Variants in HIVEP3 observed in about 807,000 individuals in gnomAD.
HIVEP3 encodes HIVEP zinc finger 3.
In HIVEP3, 49 loss-of-function variants were observed where a neutral mutation model predicts 152.8. That is an observed-to-expected ratio of 0.32 (90% CI 0.26 to 0.41). The LOEUF is 0.41. Ranked by LOEUF, HIVEP3 falls within the 10% of genes least tolerant of loss-of-function variation. The pLI is 1.00. For synonymous variants in HIVEP3, 1,269 were observed against 1,289.0 expected (o/e 0.98, Z 0.33); for missense variants, 2,790 against 3,103.3 (o/e 0.90, Z 2.40).
chr1:41,634,958 G>A (rs1012470795), intron 2 of HIVEP3, among the ~76,000 whole-genome samples: 1 of 152,084 alleles, frequency 6.6e-6, no homozygotes, highest in Admixed American at 6.5e-5. Flanking sequence ...GAATACAAAG[G>A]GTTTGAAGAT....
intron 1 of HIVEP3, among the ~76,000 whole-genome samples, chr1:41,910,099 A>G (rs1570790540): frequency 6.6e-6 from 1 of 152,002 alleles, no homozygotes; most frequent in East Asian, 1.9e-4. Flanking sequence ...TAGTATAGAC[A>G]TTCATAAACT....
At chr1:41,968,018 T>C (rs929513799) in intron 1 of HIVEP3, among the ~76,000 whole-genome samples, 1 of 152,118 alleles carries the variant, frequency 6.6e-6, no homozygotes, top group Non-Finnish European at 1.5e-5. Flanking sequence ...AATCCTTGAA[T>C]AGACCAATAA....
intron 2 of HIVEP3, among the ~76,000 whole-genome samples, chr1:41,684,106 G>A (rs1646081060): frequency 6.6e-6 from 1 of 152,216 alleles, no homozygotes; most frequent in Non-Finnish European, 1.5e-5. Context: ...CTGAGCCCCA[G>A]CAAGGGGAAG....
chr1:41,704,060 G>C (rs1332229121), intron 1 of HIVEP3, among the ~76,000 whole-genome samples: 1 of 152,166 alleles, frequency 6.6e-6, no homozygotes. Flanking sequence ...TCTGTAAAAT[G>C]GGAATACTCA....
intron 1 of HIVEP3, among the ~76,000 whole-genome samples, chr1:42,003,001 G>GT (rs944128587): frequency 2.0e-5 from 3 of 151,874 alleles, no homozygotes; most frequent in Non-Finnish European, 4.4e-5. Context: ...AGATTTCTGG[G>GT]TTTTTTTTGT....
intron 1 of HIVEP3, among the ~76,000 whole-genome samples, chr1:41,999,898 T>C (rs981663467): frequency 6.6e-6 from 1 of 151,870 alleles, no homozygotes; most frequent in African/African-American, 2.4e-5. Flanking sequence ...TTTTTTTTTT[T>C]CAAACTTTTA....
chr1:41,510,686 C>A lies in HIVEP3; in HGVS notation c.6986G>T (p.Ser2329Ile). 2 of 1,523,962 alleles carry A rather than the reference C, an allele frequency of 1.3e-6. No homozygotes were observed. Among genetic ancestry groups the A allele is most frequent in the Non-Finnish European group, 1.8e-6 (2 of 1,135,394 alleles). 94.4% of individuals were successfully genotyped at this position (1,523,962 alleles called of 1,614,324 possible). Residue 2329 changes from serine (S) to isoleucine (I), a missense_variant, in exon 9 of 9, where the codon AGC (serine) becomes ATC (isoleucine). Around this residue, in one of 9 missense-constraint regions of HIVEP3, gnomAD observed 816 missense variants for 806.5 expected, o/e 1.01. Coordinates refer to ENST00000372583, the MANE Select transcript of HIVEP3 (RefSeq NM_024503.5). ...TGCACGCGGGGACTCCAAGCGGGGG[C>A]TCCAGGACTGCGCTGCCCGGCGTCC... ...PQGRRAAQSWSPRLESPRAPT... is the reference protein window; with the variant it reads ...PQGRRAAQSWIPRLESPRAPT...
chr1:41,615,355 A>C (rs888316909), intron 3 of HIVEP3, among the ~76,000 whole-genome samples: 1 of 152,208 alleles, frequency 6.6e-6, no homozygotes, highest in Non-Finnish European at 1.5e-5. Flanking sequence ...CTTGGGATGC[A>C]CTGGGGCTGC....
chr1:41,718,574 A>G (rs998263604), intron 1 of HIVEP3, among the ~76,000 whole-genome samples: 2 of 152,206 alleles, frequency 1.3e-5, no homozygotes, highest in African/African-American at 2.4e-5. Flanking sequence ...GACCTGCCCC[A>G]GCCACCCGGC....
chr1:41,761,994 C>T (rs1647717231), intron 1 of HIVEP3, among the ~76,000 whole-genome samples: 1 of 152,222 alleles, frequency 6.6e-6, no homozygotes, highest in African/African-American at 2.4e-5. Context: ...GGCGTGCTTT[C>T]CTCTGATTGA....
At chr1:41,698,357 C>T (rs1646308693) in intron 2 of HIVEP3, among the ~76,000 whole-genome samples, 1 of 152,138 alleles carries the variant, frequency 6.6e-6, no homozygotes, top group Non-Finnish European at 1.5e-5. Context: ...TCCCAGCACC[C>T]AGCACAGATG....
At chr1:41,840,504 A>C (rs1247428093) in intron 1 of HIVEP3, among the ~76,000 whole-genome samples, 2 of 152,290 alleles carry the variant, frequency 1.3e-5, no homozygotes, top group East Asian at 3.9e-4. Context: ...CCCTGCTGAC[A>C]CCTTGATTTC....
intron 1 of HIVEP3, among the ~76,000 whole-genome samples, chr1:41,932,292 G>A (rs1250860592): frequency 2.0e-5 from 3 of 151,184 alleles, no homozygotes; most frequent in East Asian, 1.9e-4. Context: ...GCATTTTTTT[G>A]TTTTGTTTTT....
intron 1 of HIVEP3, among the ~76,000 whole-genome samples, chr1:41,999,948 TATTA>T (rs1468848834): frequency 6.6e-6 from 1 of 152,212 alleles, no homozygotes; most frequent in Non-Finnish European, 1.5e-5. Flanking sequence ...AATCTAGTGT[TATTA>T]AATATGTCCA....
At chr1:41,759,280 T>C (rs1248507077) in intron 1 of HIVEP3, among the ~76,000 whole-genome samples, 1 of 152,112 alleles carries the variant, frequency 6.6e-6, no homozygotes, top group African/African-American at 2.4e-5. Flanking sequence ...ACACAATATA[T>C]GGCCTTTTGT....
chr1:41,647,724 C>G (rs1645482548), intron 2 of HIVEP3, among the ~76,000 whole-genome samples: 1 of 152,224 alleles, frequency 6.6e-6, no homozygotes, highest in South Asian at 2.1e-4. Flanking sequence ...AGCTTGGAGT[C>G]TCCTCTCCTC....
chr1:41,592,803 C>A (rs962829152), intron 3 of HIVEP3, among the ~76,000 whole-genome samples: 1 of 152,214 alleles, frequency 6.6e-6, no homozygotes, highest in African/African-American at 2.4e-5. Context: ...CAGGGTATCC[C>A]ACAGCATTGA....
chr1:41,793,647 A>G (rs1649823104), intron 1 of HIVEP3, among the ~76,000 whole-genome samples: 1 of 152,234 alleles, frequency 6.6e-6, no homozygotes, highest in Non-Finnish European at 1.5e-5. Flanking sequence ...CATGTGATGA[A>G]ATATATTCAG....
intron 3 of HIVEP3, among the ~76,000 whole-genome samples, chr1:41,590,732 T>C (rs1332016584): frequency 1.3e-5 from 2 of 152,152 alleles, no homozygotes; most frequent in Non-Finnish European, 2.9e-5. Context: ...CAGGTCTAGG[T>C]AAGTGGGGAC....
Sources: gnomAD v4.1 joint callset for allele counts (sites outside exome capture counted in the v4.1 genomes callset) on GRCh38, gnomAD v4.1.1 for gene constraint, gnomAD v4.1.1 regional missense constraint, MANE v1.5 for transcripts, NCBI Gene and HGNC (gene_info 2026-07-23, HGNC 2026-07-21) for gene names.